Variants in BAZ1A observed in about 807,000 individuals in gnomAD.
BAZ1A encodes the protein bromodomain adjacent to zinc finger domain protein 1A.
BAZ1A carries 50 observed loss-of-function variants against 185.2 expected under a neutral mutation model. The observed-to-expected ratio is 0.27, with a 90% CI of 0.22 to 0.34. The LOEUF (loss-of-function observed/expected upper bound fraction) is 0.34. BAZ1A is among the 10% of genes least tolerant of loss of function. The pLI is 1.00. For synonymous variants in BAZ1A, 571 were observed against 615.6 expected (o/e 0.93, Z 1.07); for missense variants, 1,356 against 1,839.9 (o/e 0.74, Z 4.81).
At chr14:34,831,427 C>T (rs536868259) in intron 3 of BAZ1A, among the ~76,000 whole-genome samples, 6 of 152,198 alleles carry the variant, frequency 3.9e-5, no homozygotes, top group Non-Finnish European at 1.5e-5. Flanking sequence ...AGCCATATAT[C>T]CTGCTACATG....
rs929419835 is a variant in BAZ1A, at chr14:34,829,193, G to A, written c.393-3037C>T. On this transcript the variant is annotated intron_variant, in intron 3 of 26. Transcript: ENST00000360310. ...AGGCACAAGAATTGCTTGAACCCGG[G>A]AGGTGGAAGTTGCAGTGAGCCATGA... Among the ~76,000 whole-genome samples the A allele has an allele frequency of 2.7e-5, 4 of 149,978 alleles. No homozygotes were observed. The Admixed American group carries it at 2.7e-4, about 10-fold the overall frequency.
chr14:34,840,440 A>G (rs183846769), intron 3 of BAZ1A, among the ~76,000 whole-genome samples: 119 of 152,270 alleles, frequency 7.8e-4, no homozygotes, highest in African/African-American at 2.7e-3. Context: ...TTACAATGAA[A>G]TTATTATATG....
chr14:34,806,754 A>C (rs910130549), intron 6 of BAZ1A, among the ~76,000 whole-genome samples: 1 of 151,382 alleles, frequency 6.6e-6, no homozygotes, highest in Non-Finnish European at 1.5e-5. Context: ...TATTATTATT[A>C]TTATATTATT....
chr14:34,791,594 G>T (rs1432333405), intron 12 of BAZ1A, among the ~76,000 whole-genome samples: 1 of 152,204 alleles, frequency 6.6e-6, no homozygotes, highest in African/African-American at 2.4e-5. Context: ...AGGCATGAAG[G>T]AAGATGATCC....
intron 20 of BAZ1A, among the ~76,000 whole-genome samples, chr14:34,772,096 A>G (rs1879264916): frequency 6.6e-6 from 1 of 151,934 alleles, no homozygotes; most frequent in Admixed American, 6.6e-5. Flanking sequence ...CTGGGACTAC[A>G]GGTGCCCACC....
chr14:34,820,242 C>T (rs1029078387), intron 4 of BAZ1A, among the ~76,000 whole-genome samples: 3 of 151,036 alleles, frequency 2.0e-5, no homozygotes, highest in Non-Finnish European at 4.4e-5. Context: ...CCTCCCACCT[C>T]AGCCTCCCGA....
At chr14:34,854,790 C>T (rs1218581716) in intron 3 of BAZ1A, among the ~76,000 whole-genome samples, 1 of 152,084 alleles carries the variant, frequency 6.6e-6, no homozygotes. Flanking sequence ...CTATTAAAAC[C>T]AAGTGTTGGC....
intron 3 of BAZ1A, among the ~76,000 whole-genome samples, chr14:34,844,714 A>C (rs2042475633): frequency 6.6e-6 from 1 of 151,788 alleles, no homozygotes; most frequent in African/African-American, 2.4e-5. Context: ...GGTTACAGAG[A>C]GCTACTACAT....
chr14:34,792,064 T>C (rs1012854300), intron 12 of BAZ1A, among the ~76,000 whole-genome samples: 4 of 152,210 alleles, frequency 2.6e-5, no homozygotes, highest in African/African-American at 7.2e-5. Flanking sequence ...CAGTAGTATT[T>C]TCATTTTAAA....
chr14:34,807,310 A>G lies in BAZ1A; in HGVS notation c.726+141T>C, dbSNP rs527248584. 12 of 508,616 alleles carry G rather than the reference A, an allele frequency of 2.4e-5. No homozygotes were observed. The East Asian group carries it at 4.1e-4, about 17-fold the overall frequency. The allele number at this position is 508,616 out of a possible 1,614,324, so 31.5% of individuals were successfully genotyped here. A position where few individuals can be genotyped will look rare whatever the true frequency, so the allele number is the denominator to read the frequency against. Reference sequence around the variant, plus strand: ...AATAGTAATTAATCCAATATTTTTCAGAAGTACTAAAAATTGGCTCCAGAT... The same window carrying G: ...AATAGTAATTAATCCAATATTTTTCGGAAGTACTAAAAATTGGCTCCAGAT... On this transcript the variant is annotated intron_variant, in intron 6 of 26. Transcript: ENST00000360310.
chr14:34,819,277 A>G (rs1428369185), intron 4 of BAZ1A, among the ~76,000 whole-genome samples: 1 of 152,138 alleles, frequency 6.6e-6, no homozygotes, highest in African/African-American at 2.4e-5. Flanking sequence ...GTCTTGGAAC[A>G]TATCCCCCAT....
intron 3 of BAZ1A, among the ~76,000 whole-genome samples, chr14:34,844,866 G>A (rs1226372426): frequency 6.6e-6 from 1 of 151,102 alleles, no homozygotes; most frequent in Non-Finnish European, 1.5e-5. Flanking sequence ...AAATTCATAT[G>A]GTTAAAACAT....
Position 34,776,051 on chromosome 14 carries a change from G to A in BAZ1A, c.2701C>T (p.Leu901=). The A allele has an allele frequency of 1.2e-6, 2 of 1,614,184 alleles. No individual in the cohort carries two copies. Among genetic ancestry groups the A allele is most frequent in the Admixed American group, 3.3e-5 (2 of 60,028 alleles). ...TTAAGAGCTTCAATAAGCTGGTCTA[G>A]CTGTTCACAAGAACTGTAAAAGCAC... ...RWCFYSSCEQ[L]DQLIEALNSR... is the part of the protein sequence containing the mutation. The change falls in exon 18 of 27, where the codon CTA becomes TTA. Residue 901 remains leucine (L), a synonymous_variant. Transcript: ENST00000360310.
rs1046886093 is a variant in BAZ1A, at chr14:34,837,430, G to A, written c.393-11274C>T. On this transcript the variant is annotated intron_variant, in intron 3 of 26. Transcript: ENST00000360310. ...TAATTTTTTTTTTTTGTAGAGATGC[G>A]TTTTTGCCATGTTGCTTGGGCTTGT... Among the ~76,000 whole-genome samples, 5 of 149,424 alleles carry A rather than the reference G, an allele frequency of 3.3e-5. 1 individual carries two copies. Among genetic ancestry groups the A allele is most frequent in the African/African-American group, 9.9e-5 (4 of 40,210 alleles).
At chr14:34,759,750 C>T (rs992072799) in intron 24 of BAZ1A, among the ~76,000 whole-genome samples, 2 of 152,138 alleles carry the variant, frequency 1.3e-5, no homozygotes, top group African/African-American at 2.4e-5. Context: ...TCTTGGCTCA[C>T]TGCAACTTCT....
At position 34,816,080 on chromosome 14, in the gene BAZ1A, C is replaced by CTTTTTT. The variant is rs35830800; in HGVS notation, c.537-5050_537-5045dup. On this transcript the variant is annotated intron_variant, in intron 4 of 26. Transcript: ENST00000360310. ...AAGCTACATACATATTATTCCAGAC[C>CTTTTTT]TTTTTTTTTTTTTTTTTTTTTTTTT... Among the ~76,000 whole-genome samples, 111 of 79,426 alleles carry CTTTTTT rather than the reference C, an allele frequency of 1.4e-3. 4 individuals carry two copies. The highest frequency in any genetic ancestry group is 3.0e-3 in the African/African-American group (56 of 18,540). The allele number at this position is 79,426 out of a possible 152,430, so 52.1% of individuals were successfully genotyped here. A position where few individuals can be genotyped will look rare whatever the true frequency, so the allele number is the denominator to read the frequency against.
chr14:34,758,807 C>T lies in BAZ1A; in HGVS notation c.4283G>A (p.Arg1428Gln), dbSNP rs768100349. ...AGACAATTCATGAACTCCTCCCTGT[C>T]GGCCAGAACTCCTTCGACCCAGTGT... is the stretch of plus-strand genomic sequence containing the variant. ...PVTLGRRSSG[R>Q]QGGVHELSAF... The change falls in exon 25 of 27, where the codon CGA (arginine) becomes CAA (glutamine). Residue 1428 changes from arginine (R) to glutamine (Q), a missense_variant. Around this residue, in one of 7 missense-constraint regions of BAZ1A, gnomAD observed 309 missense variants for 355.3 expected, o/e 0.87. Coordinates refer to ENST00000360310, the MANE Select transcript of BAZ1A (RefSeq NM_013448.3). The T allele has an allele frequency of 5.0e-6, 8 of 1,614,146 alleles. No individual in the cohort carries two copies. Among genetic ancestry groups the T allele is most frequent in the African/African-American group, 4.0e-5 (3 of 75,042 alleles).
chr14:34,814,380 CAGG>C (rs1168383460), intron 4 of BAZ1A, among the ~76,000 whole-genome samples: 1 of 151,894 alleles, frequency 6.6e-6, no homozygotes, highest in Non-Finnish European at 1.5e-5. Context: ...AATATACTAA[CAGG>C]AGAGAAAACC....
intron 17 of BAZ1A, 26 bp from the exon 18 acceptor site, chr14:34,776,541 C>T (rs749970356): frequency 1.3e-6 from 2 of 1,529,070 alleles, no homozygotes; most frequent in South Asian, 2.5e-5. Flanking sequence ...AATGTTTCAT[C>T]ATCATCATAT....
Sources: gnomAD v4.1 joint callset for allele counts (sites outside exome capture counted in the v4.1 genomes callset) on GRCh38, gnomAD v4.1.1 for gene constraint, gnomAD v4.1.1 regional missense constraint, MANE v1.5 for transcripts, NCBI Gene and HGNC (gene_info 2026-07-23, HGNC 2026-07-21) for gene names.